Variants in TENM2 observed in about 807,000 individuals in gnomAD.
TENM2 encodes teneurin transmembrane protein 2.
TENM2 carries 52 observed loss-of-function variants against 245.2 expected under a neutral mutation model. The ratio of observed to expected loss-of-function variants is 0.21; its 90% CI spans 0.17 to 0.27. The LOEUF (loss-of-function observed/expected upper bound fraction) is 0.27. Ranked by LOEUF, TENM2 falls within the 10% of genes least tolerant of loss-of-function variation. The pLI, the probability that TENM2 is intolerant of heterozygous loss-of-function variation, is 1.00. For synonymous variants in TENM2, 1,363 were observed against 1,438.9 expected, an observed-to-expected ratio of 0.95 and a Z score of 1.19; for missense variants, 3,046 against 3,666.8, an observed-to-expected ratio of 0.83 and a Z score of 4.37.
At chr5:167,690,666 T>G (rs536503479) in intron 2 of TENM2, among the ~76,000 whole-genome samples, 1 of 152,286 alleles carries the variant, frequency 6.6e-6, no homozygotes, top group South Asian at 2.1e-4. Flanking sequence ...ATTTTCCATT[T>G]TCTATCACCT....
chr5:168,214,240 A>C (rs986551607), intron 20 of TENM2, among the ~76,000 whole-genome samples: 3 of 152,212 alleles, frequency 2.0e-5, no homozygotes, highest in African/African-American at 2.4e-5. Flanking sequence ...GGGCAGCCAG[A>C]CACATGGCAG....
intron 2 of TENM2, among the ~76,000 whole-genome samples, chr5:167,483,945 T>G (rs1418970033): frequency 1.3e-5 from 2 of 152,224 alleles, no homozygotes; most frequent in African/African-American, 4.8e-5. Context: ...GAAGTTAATT[T>G]CGATGCTAAT....
intron 2 of TENM2, among the ~76,000 whole-genome samples, chr5:167,679,074 A>G (rs1401729402): frequency 1.3e-5 from 2 of 152,084 alleles, no homozygotes; most frequent in African/African-American, 4.8e-5. Flanking sequence ...ACCTAATCAC[A>G]TTATGAGCTC....
At chr5:168,125,905 A>G (rs1795814325) in intron 11 of TENM2, among the ~76,000 whole-genome samples, 1 of 152,148 alleles carries the variant, frequency 6.6e-6, no homozygotes, top group South Asian at 2.1e-4. Flanking sequence ...CAGTTATGCT[A>G]CAGATATGCT....
At chr5:168,096,063 A>T in intron 8 of TENM2, among the ~76,000 whole-genome samples, 1 of 152,174 alleles carries the variant, frequency 6.6e-6, no homozygotes, top group East Asian at 1.9e-4. Flanking sequence ...TTTGTTCCAG[A>T]GGGAGATATT....
chr5:167,891,477 G>A (rs1276996815), intron 3 of TENM2, among the ~76,000 whole-genome samples: 1 of 152,144 alleles, frequency 6.6e-6, no homozygotes, highest in Non-Finnish European at 1.5e-5. Context: ...AGGAAGGAAA[G>A]CTTAAGTGGG....
chr5:167,940,041 T>G (rs971297563), intron 3 of TENM2, among the ~76,000 whole-genome samples: 2 of 152,124 alleles, frequency 1.3e-5, no homozygotes, highest in Non-Finnish European at 2.9e-5. Context: ...TGTTGTCGTG[T>G]TTGGATTGCT....
intron 15 of TENM2, among the ~76,000 whole-genome samples, chr5:168,196,696 A>G (rs1761458999): frequency 6.6e-6 from 1 of 152,184 alleles, no homozygotes. Context: ...TCCTAACCTC[A>G]AGTGATCCAT....
chr5:167,223,904 C>A, the TENM2 span, among the ~76,000 whole-genome samples: 2 of 152,054 alleles, frequency 1.3e-5, no homozygotes, highest in African/African-American at 4.8e-5. Context: ...AAGATAATAT[C>A]TCTTTGTGGT....
intron 2 of TENM2, among the ~76,000 whole-genome samples, chr5:167,609,597 A>G (rs1379153591): frequency 6.6e-6 from 1 of 150,916 alleles, no homozygotes; most frequent in Admixed American, 6.6e-5. Context: ...ACTGCCCTTT[A>G]TAAGGTCAAG....
intron 27 of TENM2, among the ~76,000 whole-genome samples, chr5:168,252,422 A>G (rs11747056): frequency 0.43 from 65,132 of 150,458 alleles, 16,432 homozygotes; most frequent in South Asian, 0.6. Flanking sequence ...AATGGCCTAG[A>G]CTTTTCCAAT....
chr5:167,848,078 A>G (rs943371579), intron 2 of TENM2, among the ~76,000 whole-genome samples: 3 of 152,208 alleles, frequency 2.0e-5, no homozygotes, highest in Non-Finnish European at 1.5e-5. Flanking sequence ...GTTTCTCAAC[A>G]TACCTGCTGA....
At chr5:167,360,284 CTGTT>C (rs1759627465) in intron 1 of TENM2, among the ~76,000 whole-genome samples, 1 of 152,168 alleles carries the variant, frequency 6.6e-6, no homozygotes, top group African/African-American at 2.4e-5. Flanking sequence ...TGTTTAATGT[CTGTT>C]TATCTCAGCC....
At chr5:167,718,773 AT>A (rs895539327) in intron 2 of TENM2, among the ~76,000 whole-genome samples, 105 of 147,780 alleles carry the variant, frequency 7.1e-4, no homozygotes, top group South Asian at 6.0e-3. Flanking sequence ...TTTGGGTTGG[AT>A]TTTTTTTTTT....
chr5:167,900,142 GGGTT>G (rs1274953745), intron 3 of TENM2, among the ~76,000 whole-genome samples: 4,178 of 128,742 alleles, frequency 0.032, 193 homozygotes, highest in African/African-American at 0.081. Context: ...AAGGGGGGGG[GGGTT>G]TTGGAAAGGA....
At chr5:168,219,581 AG>A (rs1266848364) in intron 23 of TENM2, among the ~76,000 whole-genome samples, 1 of 152,162 alleles carries the variant, frequency 6.6e-6, no homozygotes, top group African/African-American at 2.4e-5. Context: ...TAGCTCCTGC[AG>A]GCAGTTCTTG....
intron 19 of TENM2, among the ~76,000 whole-genome samples, chr5:168,210,320 T>C (rs1029583397): frequency 6.6e-6 from 1 of 152,202 alleles, no homozygotes; most frequent in African/African-American, 2.4e-5. Context: ...GATCTTATAT[T>C]AATCAACTGA....
chr5:168,221,609 G>GA, intron 23 of TENM2, among the ~76,000 whole-genome samples: 1 of 152,160 alleles, frequency 6.6e-6, no homozygotes, highest in South Asian at 2.1e-4. Flanking sequence ...AAAGGGGTAG[G>GA]AAAAAATAAC....
intron 2 of TENM2, among the ~76,000 whole-genome samples, chr5:167,848,102 CAG>C (rs1436537986): frequency 6.6e-6 from 1 of 152,194 alleles, no homozygotes; most frequent in African/African-American, 2.4e-5. Context: ...TGCCCAATAA[CAG>C]AGCCCTGTGG....
Sources: gnomAD v4.1 joint callset for allele counts (sites outside exome capture counted in the v4.1 genomes callset) on GRCh38, gnomAD v4.1.1 for gene constraint, MANE v1.5 for transcripts, NCBI Gene and HGNC (gene_info 2026-07-23, HGNC 2026-07-21) for gene names.